CHST9: variants seen among roughly 807,000 people sequenced by gnomAD.
CHST9 encodes carbohydrate sulfotransferase 9, also known as GalNAc-4-sulfotransferase 2.
CHST9 carries 41 observed loss-of-function variants against 44.4 expected under a neutral mutation model. The observed-to-expected ratio is 0.92, with a 90% CI of 0.72 to 1.20. The LOEUF is 1.20. CHST9 is among the 50% of genes most tolerant of loss of function. The probability of loss-of-function intolerance (pLI) is 0.00; values close to 1 mark genes in which losing one functional copy is unlikely to be tolerated. For missense variants in CHST9, 504 were observed against 516.5 expected (o/e 0.98, Z 0.23); for synonymous variants, 171 against 178.4 (o/e 0.96, Z 0.33).
chr18:26,931,044 T>C (rs1252962732), intron 5 of CHST9, among the ~76,000 whole-genome samples: 3 of 152,174 alleles, frequency 2.0e-5, no homozygotes, highest in African/African-American at 7.2e-5. Context: ...CCACAATAGC[T>C]GCAGGGACCT....
chr18:27,098,151 T>C (rs550943351), intron 2 of CHST9, among the ~76,000 whole-genome samples: 1 of 151,712 alleles, frequency 6.6e-6, no homozygotes, highest in African/African-American at 2.4e-5. Context: ...GTGAAGGATA[T>C]GAACAGACAC....
At chr18:26,935,291 T>C (rs1020642458) in intron 5 of CHST9, 3 of 152,196 alleles carry the variant, frequency 2.0e-5, no homozygotes, top group Non-Finnish European at 4.4e-5. Context: ...TCCCATCTGT[T>C]GATGAACATA....
At position 26,916,489 on chromosome 18, in the gene CHST9, C is replaced by T. The variant is rs1568088569; in HGVS notation, c.1102G>A (p.Gly368Arg). The part of the protein sequence containing the change: ...YPCLINYDFV[G>R]KFETLEEDAN... ...TCTTCTTCCAAAGTCTCAAATTTCC[C>T]TACAAAATCATAGTTGATCAAACAC... The change falls in exon 6 of 6, where the codon GGG (glycine) becomes AGG (arginine). Residue 368 changes from glycine (G) to arginine (R), a missense_variant. Gly to Arg is a moderately radical substitution (Grantham distance 125). Coordinates refer to ENST00000618847, the MANE Select transcript of CHST9 (RefSeq NM_031422.6). The T allele has an allele frequency of 1.2e-6, 2 of 1,613,786 alleles. No homozygotes were observed. Among genetic ancestry groups the T allele is most frequent in the Non-Finnish European group, 1.7e-6 (2 of 1,179,756 alleles).
chr18:26,939,627 C>G (rs1457513826), intron 5 of CHST9, among the ~76,000 whole-genome samples: 1 of 152,118 alleles, frequency 6.6e-6, no homozygotes, highest in African/African-American at 2.4e-5. Flanking sequence ...AGACCTGGTC[C>G]TTGTTCCCAT....
chr18:27,161,444 G>C (rs1260093274), intron 1 of CHST9, among the ~76,000 whole-genome samples: 1 of 152,142 alleles, frequency 6.6e-6, no homozygotes, highest in African/African-American at 2.4e-5. Flanking sequence ...TGGATCCTGA[G>C]TTCTAGTTTG....
intron 4 of CHST9, 88 bp from the exon 5 acceptor site, chr18:26,944,454 C>T (rs1049754954): frequency 7.0e-5 from 64 of 916,360 alleles, no homozygotes; most frequent in Non-Finnish European, 6.5e-5. Context: ...ACAGTAAACA[C>T]TTCCAAAGTG....
At chr18:26,985,528 C>A (rs2056744263) in intron 4 of CHST9, among the ~76,000 whole-genome samples, 1 of 152,154 alleles carries the variant, frequency 6.6e-6, no homozygotes, top group Non-Finnish European at 1.5e-5. Context: ...GGAGAGAAAA[C>A]TACAATAGAG....
chr18:27,105,575 G>C (rs983268350), intron 2 of CHST9, among the ~76,000 whole-genome samples: 2 of 152,094 alleles, frequency 1.3e-5, no homozygotes, highest in Middle Eastern at 3.2e-3. Context: ...AGAAGAAAAG[G>C]AAAGAAACTT....
intron 5 of CHST9, among the ~76,000 whole-genome samples, chr18:26,925,338 C>T (rs984628589): frequency 9.2e-5 from 14 of 152,140 alleles, no homozygotes; most frequent in Admixed American, 7.2e-4. Flanking sequence ...TTAATCACTG[C>T]ATCAAACAGA....
At chr18:27,073,278 G>A (rs972091693) in intron 2 of CHST9, among the ~76,000 whole-genome samples, 6 of 151,908 alleles carry the variant, frequency 3.9e-5, no homozygotes, top group Non-Finnish European at 8.8e-5. Context: ...TAGTTATCCT[G>A]TTGGAATGCT....
At chr18:27,155,541 T>A (rs2058692839) in intron 1 of CHST9, among the ~76,000 whole-genome samples, 1 of 152,216 alleles carries the variant, frequency 6.6e-6, no homozygotes, top group African/African-American at 2.4e-5. Context: ...TAACTTGTAC[T>A]GGTTGTTCTA....
At chr18:26,925,320 A>C (rs368480775) in intron 5 of CHST9, among the ~76,000 whole-genome samples, 8 of 152,026 alleles carry the variant, frequency 5.3e-5, no homozygotes, top group African/African-American at 1.9e-4. Flanking sequence ...GGCATGGAGC[A>C]AGCTGGTTTA....
chr18:27,002,186 C>A (rs576232168), intron 4 of CHST9, among the ~76,000 whole-genome samples: 1 of 152,112 alleles, frequency 6.6e-6, no homozygotes, highest in Admixed American at 6.5e-5. Context: ...CCCTGCAGTG[C>A]ACAAACTGCA....
At chr18:26,949,143 C>G (rs1173230602) in intron 4 of CHST9, among the ~76,000 whole-genome samples, 4 of 152,102 alleles carry the variant, frequency 2.6e-5, no homozygotes, top group African/African-American at 7.2e-5. Context: ...GTGGTGAAGA[C>G]AGCAATGAGC....
intron 1 of CHST9, among the ~76,000 whole-genome samples, chr18:27,146,143 G>T (rs1024661529): frequency 6.6e-6 from 1 of 152,220 alleles, no homozygotes; most frequent in Admixed American, 6.5e-5. Context: ...CTCCTCGGGG[G>T]TTTGCAGAGG....
chr18:26,921,364 C>G (rs552900262), intron 5 of CHST9, among the ~76,000 whole-genome samples: 4 of 152,266 alleles, frequency 2.6e-5, no homozygotes, highest in Admixed American at 2.0e-4. Context: ...TTAGTGTCCT[C>G]CTGTTTTATT....
At chr18:27,155,612 G>T (rs191770535) in intron 1 of CHST9, among the ~76,000 whole-genome samples, 5 of 151,974 alleles carry the variant, frequency 3.3e-5, no homozygotes, top group Non-Finnish European at 7.4e-5. Flanking sequence ...AAACACTTTC[G>T]AATTATTGAA....
rs186787421 is a variant in CHST9 at position 26,910,080 on chromosome 18, T to G, written c.*6179A>C. The G allele has an allele frequency of 2.1e-3, 316 of 152,090 alleles. 3 individuals carry two copies. Among genetic ancestry groups the G allele is most frequent in the African/African-American group, 7.3e-3 (304 of 41,466 alleles). The allele number at this position is 152,090 out of a possible 1,614,324, so 9.4% of individuals were successfully genotyped here. ...AGTTTCTGTCCCTAGATACTAGAGC[T>G]CCAAGAGCCTGGGAGAATGACTCAT... On this transcript the variant is annotated 3_prime_UTR_variant, in exon 6 of 6. Coordinates refer to ENST00000618847, the MANE Select transcript of CHST9 (RefSeq NM_031422.6).
At chr18:27,062,630 T>C (rs2057738520) in intron 2 of CHST9, among the ~76,000 whole-genome samples, 1 of 152,172 alleles carries the variant, frequency 6.6e-6, no homozygotes, top group African/African-American at 2.4e-5. Flanking sequence ...CACGTATGCA[T>C]GTGTCTTTAT....
Sources: gnomAD v4.1 joint callset for allele counts (sites outside exome capture counted in the v4.1 genomes callset) on GRCh38, gnomAD v4.1.1 for gene constraint, MANE v1.5 for transcripts, NCBI Gene and HGNC (gene_info 2026-07-23, HGNC 2026-07-21) for gene names.